Variants in WT1 observed in about 807,000 individuals in gnomAD.
WT1 encodes the protein WT1 transcription factor.
WT1 carries 8 observed loss-of-function variants against 60.8 expected under a neutral mutation model. That is an observed-to-expected ratio of 0.13 (90% CI 0.08 to 0.24). The LOEUF (loss-of-function observed/expected upper bound fraction) is 0.24, where lower values mean the gene tolerates loss of function less well. WT1 is among the 10% of genes least tolerant of loss of function. WT1 has a pLI of 1.00. For synonymous variants in WT1, 312 were observed against 297.1 expected, an observed-to-expected ratio of 1.05 and a Z score of -0.52; for missense variants, 568 against 711.8, an observed-to-expected ratio of 0.80 and a Z score of 2.30.
chr11:32,393,941 A>G (rs10835897), intron 7 of WT1, among the ~76,000 whole-genome samples: 26,017 of 152,196 alleles, frequency 0.17, 3,092 homozygotes, highest in East Asian at 0.65. Flanking sequence ...TGCCCAGACT[A>G]AAGCGCAGTG....
chr11:32,420,872 T>C (rs929882593), intron 3 of WT1, among the ~76,000 whole-genome samples: 1 of 152,176 alleles, frequency 6.6e-6, no homozygotes, highest in African/African-American at 2.4e-5. Flanking sequence ...CTAGCTGTCC[T>C]GATAGCTTAG....
At chr11:32,399,796 AG>A (rs374732092) in intron 6 of WT1, 151 bp downstream of exon 6, 2 of 831,166 alleles carry the variant, frequency 2.4e-6, no homozygotes, top group African/African-American at 1.7e-5. Flanking sequence ...TATCAGACCC[AG>A]GGGACGAGCA....
intron 7 of WT1, 47 bp from the exon 8 acceptor site, chr11:32,392,802 G>A (rs1851856010): frequency 1.3e-6 from 2 of 1,585,674 alleles, no homozygotes; most frequent in Non-Finnish European, 1.7e-6. Flanking sequence ...TGGAAAAGGG[G>A]ATCTCATTAA....
chr11:32,417,484 ACTG>A (rs1182492375), intron 4 of WT1, 90 bp downstream of exon 4: 1 of 1,183,638 alleles, frequency 8.4e-7, no homozygotes, highest in Non-Finnish European at 1.3e-6. Flanking sequence ...TTCTTCTAAA[ACTG>A]TACTTTCTTC....
chr11:32,401,963 C>A (rs1001368238), intron 5 of WT1, among the ~76,000 whole-genome samples: 2 of 152,120 alleles, frequency 1.3e-5, no homozygotes, highest in African/African-American at 4.8e-5. Flanking sequence ...GGCAGGTAAG[C>A]TGGTGGGTGG....
At position 32,389,793 on chromosome 11, in the gene WT1, T is replaced by C. The variant is rs551175807; in HGVS notation, c.1448-614A>G. Among the ~76,000 whole-genome samples the C allele has an allele frequency of 5.9e-5, 9 of 152,276 alleles. No homozygotes were observed. The South Asian group carries it at 1.9e-3, about 32-fold the overall frequency. On this transcript the variant is annotated intron_variant, in intron 9 of 9. Transcript: ENST00000452863. ...CATAATCCTGTTATATGGAAGATTC[T>C]AGTTGGGGCGTGGTTCTTAGATTTT... is the stretch of plus-strand genomic sequence containing the variant.
At chr11:32,389,271 C>A (rs959392119) in intron 9 of WT1, 92 bp from the exon 10 acceptor site, 3 of 1,602,092 alleles carry the variant, frequency 1.9e-6, no homozygotes. Context: ...TCACAAGGCA[C>A]CCACTCTGAA....
intron 5 of WT1, among the ~76,000 whole-genome samples, chr11:32,405,366 A>T (rs1852276189): frequency 6.6e-6 from 1 of 152,046 alleles, no homozygotes; most frequent in Non-Finnish European, 1.5e-5. Flanking sequence ...AATTTTAAAG[A>T]ATCACTGTCG....
chr11:32,417,382 C>T, intron 4 of WT1, 195 bp downstream of exon 4: 1 of 594,702 alleles, frequency 1.7e-6, no homozygotes, highest in Non-Finnish European at 3.0e-6. Context: ...AGAAACAACC[C>T]ACATTTATGT....
chr11:32,396,175 C>T (rs1851962799), intron 7 of WT1, 82 bp downstream of exon 7: 4 of 1,593,710 alleles, frequency 2.5e-6, no homozygotes, highest in Non-Finnish European at 1.7e-6. Context: ...CTGGAAATAA[C>T]CTGGGTCCTT....
chr11:32,413,472 A>G (rs1852566009), intron 5 of WT1, among the ~76,000 whole-genome samples: 1 of 152,180 alleles, frequency 6.6e-6, no homozygotes, highest in Non-Finnish European at 1.5e-5. Context: ...TCCCCTGGGG[A>G]AAGGCCAAAC....
intron 1 of WT1, 82 bp from the exon 2 acceptor site, chr11:32,428,701 G>T: frequency 6.4e-6 from 10 of 1,556,852 alleles, no homozygotes; most frequent in South Asian, 3.5e-5. Flanking sequence ...CCACGGGCGG[G>T]GGGGGTGTGC....
At position 32,430,455 on chromosome 11, in the gene WT1, GGAGAGAGAGAGAGAGAGAGAGAGAGAGA is replaced by G; in HGVS notation, c.662-1864_662-1837del. The stretch of plus-strand genomic sequence containing the variant: ...CACAGAGAGAGAGAGAGAGAGGGAG[GGAGAGAGAGAGAGAGAGAGAGAGAGAGA>G]GAGAGAGACGAAATAGAAGCTACGA... On this transcript the variant is annotated intron_variant, in intron 1 of 9. Transcript: ENST00000452863. 9 of 894,588 alleles carry G rather than the reference GGAGAGAGAGAGAGAGAGAGAGAGAGAGA, an allele frequency of 1.0e-5. 1 individual carries two copies. In the Middle Eastern group the frequency reaches 8.9e-4, roughly 88 times the overall value. 55.4% of individuals were successfully genotyped at this position (894,588 alleles called of 1,614,324 possible).
intron 8 of WT1, 96 bp from the exon 9 acceptor site, chr11:32,392,160 TC>T: frequency 9.3e-7 from 1 of 1,074,796 alleles, no homozygotes; most frequent in South Asian, 1.2e-5. Flanking sequence ...GCCCAGCATT[TC>T]CTGCCATGCC....
intron 5 of WT1, among the ~76,000 whole-genome samples, chr11:32,414,608 C>G (rs1404354216): frequency 6.6e-6 from 1 of 152,232 alleles, no homozygotes; most frequent in Non-Finnish European, 1.5e-5. Context: ...CGCAGCAGCT[C>G]ATACCTGTAA....
chr11:32,405,056 T>A (rs983626237), intron 5 of WT1, among the ~76,000 whole-genome samples: 2 of 152,234 alleles, frequency 1.3e-5, no homozygotes, highest in African/African-American at 4.8e-5. Flanking sequence ...TTGGTCAGAA[T>A]ATGGATTGAC....
chr11:32,416,602 C>G, intron 4 of WT1, 62 bp from the exon 5 acceptor site: 1 of 1,597,888 alleles, frequency 6.3e-7, no homozygotes, highest in Middle Eastern at 1.7e-4. Context: ...GCAAGCCCCC[C>G]AGATCCCAGA....
At chr11:32,404,308 T>C (rs1397586236) in intron 5 of WT1, among the ~76,000 whole-genome samples, 1 of 151,036 alleles carries the variant, frequency 6.6e-6, no homozygotes, top group African/African-American at 2.4e-5. Flanking sequence ...ACAGTTTTCA[T>C]GTTTTTCTGT....
rs5030299 is a variant in WT1 at position 32,391,089 on chromosome 11, C to T, written c.1447+883G>A. Among the ~76,000 whole-genome samples, 872 of 152,218 alleles carry T rather than the reference C, an allele frequency of 5.7e-3. 4 individuals are homozygous for T. The highest frequency in any genetic ancestry group is 0.02 in the African/African-American group (835 of 41,534). ...AGCCTCCCAAGCAAGGTCTAGTGAG[C>T]GTCCTACCTCAGCCTCCCCCAAATA... On this transcript the variant is annotated intron_variant, in intron 9 of 9. Coordinates refer to ENST00000452863, the MANE Select transcript of WT1 (RefSeq NM_024426.6).
Sources: gnomAD v4.1 joint callset for allele counts (sites outside exome capture counted in the v4.1 genomes callset) on GRCh38, gnomAD v4.1.1 for gene constraint, MANE v1.5 for transcripts, NCBI Gene and HGNC (gene_info 2026-07-23, HGNC 2026-07-21) for gene names.